Variants in PAXIP1 observed in about 807,000 individuals in gnomAD.
PAXIP1 encodes PAX interacting protein 1.
PAXIP1 carries 19 observed loss-of-function variants against 140.6 expected under a neutral mutation model. That is an observed-to-expected ratio of 0.14 (90% confidence interval 0.09 to 0.20). PAXIP1 has a LOEUF of 0.20. PAXIP1 is among the 10% of genes least tolerant of loss of function. The probability of loss-of-function intolerance (pLI) is 1.00; values close to 1 mark genes in which losing one functional copy is unlikely to be tolerated. For synonymous variants in PAXIP1, 442 were observed against 444.6 expected, an observed-to-expected ratio of 0.99 and a Z score of 0.07; for missense variants, 920 against 1,208.6, an observed-to-expected ratio of 0.76 and a Z score of 3.54.
intron 3 of PAXIP1, 82 bp from the exon 4 acceptor site, chr7:154,991,151 G>A (rs544250866): frequency 1.7e-5 from 11 of 649,884 alleles, no homozygotes; most frequent in East Asian, 6.1e-5. Flanking sequence ...CACCCACTCC[G>A]TCCCCACTCA....
At chr7:154,966,755 A>T (rs1387012392) in intron 8 of PAXIP1, among the ~76,000 whole-genome samples, 1 of 152,046 alleles carries the variant, frequency 6.6e-6, no homozygotes, top group East Asian at 1.9e-4. Context: ...CCTCAGATTC[A>T]ACCCTTTACT....
At chr7:154,981,668 C>T (rs1229396547) in intron 5 of PAXIP1, among the ~76,000 whole-genome samples, 1 of 152,000 alleles carries the variant, frequency 6.6e-6, no homozygotes, top group Non-Finnish European at 1.5e-5. Flanking sequence ...TTGTCTTATT[C>T]ACAAGCATGT....
chr7:154,990,879 T>C (rs1810299869), intron 4 of PAXIP1, 127 bp downstream of exon 4: 3 of 568,378 alleles, frequency 5.3e-6, no homozygotes, highest in Non-Finnish European at 6.2e-6. Context: ...CATGAGTTTA[T>C]ATTAAATACA....
chr7:154,962,661 TC>T, intron 9 of PAXIP1: 1 of 457,690 alleles, frequency 2.2e-6, no homozygotes, highest in South Asian at 3.3e-5. Flanking sequence ...TTACTATCCA[TC>T]TGCAAACAAG....
At chr7:154,949,274 A>T (rs1009555851) in intron 16 of PAXIP1, 1 of 152,160 alleles carries the variant, frequency 6.6e-6, no homozygotes, top group Non-Finnish European at 1.5e-5. Flanking sequence ...AGCAATATTT[A>T]AAAAATGTAA....
chr7:154,967,983 C>A (rs567495600), intron 7 of PAXIP1, 73 bp from the exon 8 acceptor site: 3 of 949,648 alleles, frequency 3.2e-6, no homozygotes, highest in Non-Finnish European at 3.2e-6. Flanking sequence ...TAAAAAGTGG[C>A]GCCTCACAAT....
intron 2 of PAXIP1, 73 bp from the exon 3 acceptor site, chr7:154,993,842 T>G (rs1810458080): frequency 1.8e-6 from 2 of 1,127,438 alleles, no homozygotes; most frequent in African/African-American, 3.1e-5. Context: ...AGTGTTGTTC[T>G]TAGAAATTAA....
intron 4 of PAXIP1, chr7:154,983,734 C>G (rs1227413617): frequency 6.3e-6 from 1 of 157,488 alleles, no homozygotes; most frequent in African/African-American, 2.4e-5. Context: ...ATATCAAAAT[C>G]GTATTTTAGG....
At chr7:154,961,219 A>T (rs1808741064) in intron 11 of PAXIP1, 142 bp from the exon 12 acceptor site, 1 of 684,250 alleles carries the variant, frequency 1.5e-6, no homozygotes, top group Admixed American at 3.2e-5. Flanking sequence ...GTTGAGGGTG[A>T]CCCTGAATGG....
At chr7:154,955,041 A>G (rs930203403) in intron 15 of PAXIP1, among the ~76,000 whole-genome samples, 1 of 152,222 alleles carries the variant, frequency 6.6e-6, no homozygotes, top group African/African-American at 2.4e-5. Flanking sequence ...TCACCAAAAC[A>G]AAACAAAATC....
Position 154,943,929 on chromosome 7 carries a change from T to G in PAXIP1, c.*220A>C. ...TAAAACCTAATGTGGGCTCTTAAAG[T>G]CATATAATACAAAACATAATTTATG... On this transcript the variant is annotated 3_prime_UTR_variant, in exon 21 of 21. Transcript: ENST00000404141. The G allele has an allele frequency of 1.8e-6, 1 of 544,624 alleles. No individual in the cohort carries two copies. The highest frequency in any genetic ancestry group is 3.4e-6 in the Non-Finnish European group (1 of 292,288). The allele number at this position is 544,624 out of a possible 1,614,324, so 33.7% of individuals were successfully genotyped here.
chr7:154,982,778 CA>C (rs1283297737), intron 5 of PAXIP1, among the ~76,000 whole-genome samples: 3 of 152,038 alleles, frequency 2.0e-5, no homozygotes, highest in African/African-American at 7.2e-5. Flanking sequence ...CTTATCAAGA[CA>C]AAAGTCATTT....
chr7:154,981,780 TC>T (rs1406888355), intron 5 of PAXIP1, among the ~76,000 whole-genome samples: 1 of 152,172 alleles, frequency 6.6e-6, no homozygotes, highest in African/African-American at 2.4e-5. Flanking sequence ...TGTTTTTCCT[TC>T]CAAATAAAAA....
chr7:154,962,412 G>A lies in PAXIP1; in HGVS notation c.2036C>T (p.Thr679Ile), dbSNP rs1198994256. The change falls in exon 10 of 21, where the codon ACA becomes ATA. Residue 679 changes from threonine (T) to isoleucine (I), a missense_variant. Thr to Ile is a moderately conservative substitution (Grantham distance 89). This residue lies in a region of PAXIP1 where 303 missense variants were observed against 517.9 expected (regional missense o/e 0.59). Transcript: ENST00000404141. ...KRCVTAHWLN[T>I]VLKKKKMVPP... ...TACCATTTTCTTCTTCTTTAAGACTGTGTTTAACCAGTGTGCAGTAACACA... is the reference window on the plus strand; with the variant it reads ...TACCATTTTCTTCTTCTTTAAGACTATGTTTAACCAGTGTGCAGTAACACA... The A allele has an allele frequency of 2.5e-6, 4 of 1,613,314 alleles. No individual in the cohort carries two copies. Among genetic ancestry groups the A allele is most frequent in the Non-Finnish European group, 2.5e-6 (3 of 1,179,422 alleles).
At chr7:154,997,835 G>A (rs1379385399) in intron 2 of PAXIP1, among the ~76,000 whole-genome samples, 1 of 152,222 alleles carries the variant, frequency 6.6e-6, no homozygotes, top group East Asian at 1.9e-4. Context: ...CCACAACATA[G>A]TTAATGGGGG....
At chr7:154,950,979 G>GA (rs1808245317) in intron 16 of PAXIP1, 1 of 152,554 alleles carries the variant, frequency 6.6e-6, no homozygotes, top group Admixed American at 6.5e-5. Context: ...AGGCAGGAAG[G>GA]AATGAGTGGG....
rs906989599 is a variant in PAXIP1, at chr7:154,954,549, A to G, written c.2653-126T>C. ...TTATGACTGTAATTCTCAGCCACAG[A>G]AAACAGTGTGACAGGTAAAACAAAA... On this transcript the variant is annotated intron_variant, in intron 15 of 20. Coordinates refer to ENST00000404141, the MANE Select transcript of PAXIP1 (RefSeq NM_007349.4). This position sits in a 1 kb window ranked among gnomAD's most constrained non-coding sequence, Gnocchi z 5.1. 41 of 555,648 alleles carry G rather than the reference A, an allele frequency of 7.4e-5. No homozygotes were observed. The East Asian group carries it at 1.4e-3, about 19-fold the overall frequency. The allele number at this position is 555,648 out of a possible 1,614,324, so 34.4% of individuals were successfully genotyped here.
Position 154,946,138 on chromosome 7 carries a change from T to G in PAXIP1, c.3194+227A>C. ...TAAACTAGACAGTATAGATCCTTTCTAATTAACATCACCTATTAAAACTGA... is the reference window on the plus strand; with the variant it reads ...TAAACTAGACAGTATAGATCCTTTCGAATTAACATCACCTATTAAAACTGA... On this transcript the variant is annotated intron_variant, in intron 20 of 20. Transcript: ENST00000404141. The surrounding 1 kb of genome is among the most constrained non-coding windows in gnomAD (Gnocchi z 4.9). The G allele has an allele frequency of 1.0e-6, 1 of 977,736 alleles. No homozygotes were observed. The highest frequency in any genetic ancestry group is 1.2e-6 in the Non-Finnish European group (1 of 822,890). 60.6% of individuals were successfully genotyped at this position (977,736 alleles called of 1,614,324 possible). A position where few individuals can be genotyped will look rare whatever the true frequency, so the allele number is the denominator to read the frequency against.
At chr7:154,957,710 G>T (rs558446420) in intron 13 of PAXIP1, among the ~76,000 whole-genome samples, 1 of 152,208 alleles carries the variant, frequency 6.6e-6, no homozygotes, top group South Asian at 2.1e-4. Context: ...GCTCACGCCT[G>T]TAATCCCAGC....
Sources: allele counts gnomAD v4.1 joint callset (sites outside exome capture counted in the v4.1 genomes callset), GRCh38; gene constraint gnomAD v4.1.1; regional missense constraint gnomAD v4.1.1; non-coding constraint Gnocchi (gnomAD v3.1); transcripts MANE v1.5; gene names NCBI Gene and HGNC (gene_info 2026-07-23, HGNC 2026-07-21).